The following IL1RL1 variants were observed in gnomAD, a reference collection of about 807,000 sequenced individuals.
IL1RL1 encodes interleukin 1 receptor like 1, also known as interleukin-1 receptor-like 1.
In IL1RL1, 32 loss-of-function variants were observed where a neutral mutation model predicts 50.9. The observed-to-expected ratio is 0.63, with a 90% CI of 0.47 to 0.84. The LOEUF is 0.84. Among genes scored for constraint, IL1RL1 ranks in the 40% least tolerant of loss-of-function variants. The probability of loss-of-function intolerance (pLI) is 0.00; values close to 1 mark genes in which losing one functional copy is unlikely to be tolerated. For missense variants in IL1RL1, 773 were observed against 662.9 expected, an observed-to-expected ratio of 1.17 and a Z score of -1.82; for synonymous variants, 275 against 236.0, an observed-to-expected ratio of 1.17 and a Z score of -1.51.
At chr2:102,333,820 G>A (rs1174280577) in intron 1 of IL1RL1, among the ~76,000 whole-genome samples, 5 of 152,080 alleles carry the variant, frequency 3.3e-5, no homozygotes, top group African/African-American at 1.2e-4. Flanking sequence ...TCCCACATAT[G>A]AGTAAGAACA....
At chr2:102,340,520 T>C (rs1677512863) in intron 4 of IL1RL1, 146 bp from the exon 5 acceptor site, 1 of 818,460 alleles carries the variant, frequency 1.2e-6, no homozygotes, top group East Asian at 2.8e-5. Flanking sequence ...GGCTGAGGTA[T>C]GAAAATCACT....
At chr2:102,320,647 A>G (rs1676808246) in intron 1 of IL1RL1, among the ~76,000 whole-genome samples, 1 of 152,090 alleles carries the variant, frequency 6.6e-6, no homozygotes, top group Non-Finnish European at 1.5e-5. Context: ...CTAATTCAGT[A>G]ACTAGCAACC....
chr2:102,343,291 T>C lies in IL1RL1; in HGVS notation c.846T>C (p.Cys282=). The C allele has an allele frequency of 1.2e-6, 2 of 1,614,200 alleles. No homozygotes were observed. The highest frequency in any genetic ancestry group is 1.7e-6 in the Non-Finnish European group (2 of 1,180,034). ...TTAGTTTCAGCAATGGGCTGGCTTG[T>C]CTAGACATGGTTTTAAGAATAGCTG... ...QNQSFSNGLA[C]LDMVLRIADV... The change falls in exon 8 of 11, where the codon TGT becomes TGC. Residue 282 remains cysteine, a synonymous_variant. Coordinates refer to ENST00000233954, the MANE Select transcript of IL1RL1 (RefSeq NM_016232.5).
At chr2:102,323,262 TATATATATATA>T (rs1676888707) in intron 1 of IL1RL1, among the ~76,000 whole-genome samples, 1 of 89,734 alleles carries the variant, frequency 1.1e-5, no homozygotes. Context: ...TATATATATA[TATATATATATA>T]GTGTGTGTGT....
rs367840654 is a variant in IL1RL1 at position 102,351,930 on chromosome 2, G to T, written c.*9G>T. The T allele has an allele frequency of 3.1e-6, 5 of 1,597,302 alleles. No individual in the cohort carries two copies. The highest frequency in any genetic ancestry group is 3.4e-6 in the Non-Finnish European group (4 of 1,172,514). On this transcript the variant is annotated 3_prime_UTR_variant, in exon 11 of 11. Transcript: ENST00000233954. ...CTGCCCAGAAGCAATAGTGCCTGCT[G>T]TGATGTGCAAAGGCATCTGAGTTTG...
At chr2:102,321,280 G>A (rs1008086430) in intron 1 of IL1RL1, among the ~76,000 whole-genome samples, 1 of 152,096 alleles carries the variant, frequency 6.6e-6, no homozygotes, top group Admixed American at 6.5e-5. Flanking sequence ...TTGTCCTCCT[G>A]TAGGACATGA....
chr2:102,351,743 A>G lies in IL1RL1; in HGVS notation c.1493A>G (p.Asp498Gly). The G allele has an allele frequency of 6.2e-7, 1 of 1,613,784 alleles. No homozygotes were observed. The highest frequency in any genetic ancestry group is 8.5e-7 in the Non-Finnish European group (1 of 1,179,938). Residue 498 changes from aspartate (D) to glycine (G), a missense_variant, in exon 11 of 11, where the codon GAC (aspartate) becomes GGC (glycine). Physicochemically the swap from Asp to Gly is moderately conservative, Grantham distance 94. Coordinates refer to ENST00000233954, the MANE Select transcript of IL1RL1 (RefSeq NM_016232.5). Reference protein sequence around the residue: ...LDMLQAEALQDSLQHLMKVQG... With the variant: ...LDMLQAEALQGSLQHLMKVQG... ...ATGCTGCAGGCTGAGGCGCTTCAGG[A>G]CTCCCTCCAGCATCTTATGAAAGTA...
chr2:102,311,775 A>ATATAT (rs1676479771), intron 1 of IL1RL1, among the ~76,000 whole-genome samples, 152 bp downstream of exon 1: 1 of 117,782 alleles, frequency 8.5e-6, no homozygotes, highest in African/African-American at 3.2e-5. Context: ...TATAATATAT[A>ATATAT]ATTGTTATAA....
intron 1 of IL1RL1, among the ~76,000 whole-genome samples, 171 bp from the exon 2 acceptor site, chr2:102,337,944 CA>C (rs2104982599): frequency 6.6e-6 from 1 of 152,182 alleles, no homozygotes; most frequent in Admixed American, 6.5e-5. Context: ...CTATATGACC[CA>C]AAACTTCCAT....
chr2:102,351,233 C>G (rs1677920285), intron 10 of IL1RL1, among the ~76,000 whole-genome samples: 1 of 152,166 alleles, frequency 6.6e-6, no homozygotes, highest in African/African-American at 2.4e-5. Context: ...TTCTAAGTCT[C>G]TAATGCAACA....
chr2:102,317,707 C>G (rs139510626), intron 1 of IL1RL1, among the ~76,000 whole-genome samples: 1 of 152,076 alleles, frequency 6.6e-6, no homozygotes, highest in East Asian at 1.9e-4. Context: ...GAAAGTTGAT[C>G]CTCATATAAA....
In IL1RL1 at chr2:102,351,927, G is replaced by T; in HGVS notation, c.*6G>T. ...TGGCTGCCCAGAAGCAATAGTGCCT[G>T]CTGTGATGTGCAAAGGCATCTGAGT... On this transcript the variant is annotated 3_prime_UTR_variant, in exon 11 of 11. Transcript: ENST00000233954. 3 of 1,597,788 alleles carry T rather than the reference G, an allele frequency of 1.9e-6. No homozygotes were observed. The highest frequency in any genetic ancestry group is 2.6e-6 in the Non-Finnish European group (3 of 1,172,706).
At position 102,319,997 on chromosome 2, in the gene IL1RL1, T is replaced by C. The variant is rs550007021; in HGVS notation, c.-150+8374T>C. ...AACCATCACTCCCAGCCCTTTCTTT[T>C]GCTTTGTTATTTTAAAAACTTTTCT... is the stretch of plus-strand genomic sequence containing the variant. On this transcript the variant is annotated intron_variant, in intron 1 of 10. Coordinates refer to ENST00000233954, the MANE Select transcript of IL1RL1 (RefSeq NM_016232.5). 4.5e-4 allele frequency among the ~76,000 whole-genome samples: 69 copies of C among 152,358 alleles called. 1 individual carries two copies. Among genetic ancestry groups the C allele is most frequent in the African/African-American group, 1.7e-3 (69 of 41,592 alleles).
chr2:102,343,737 G>A (rs1345048183), intron 8 of IL1RL1: 4 of 1,248,178 alleles, frequency 3.2e-6, no homozygotes, highest in East Asian at 3.6e-5. Flanking sequence ...GAAAGGAAAT[G>A]CACCAACAAC....
At chr2:102,347,023 G>T (rs182859220) in intron 8 of IL1RL1, among the ~76,000 whole-genome samples, 36 of 152,350 alleles carry the variant, frequency 2.4e-4, no homozygotes, top group Non-Finnish European at 3.5e-4. Context: ...CATGAGAGAA[G>T]TATGGGCTAT....
At chr2:102,348,781 A>C (rs1677849902) in intron 9 of IL1RL1, among the ~76,000 whole-genome samples, 1 of 152,216 alleles carries the variant, frequency 6.6e-6, no homozygotes, top group Non-Finnish European at 1.5e-5. Flanking sequence ...TCAGCACAGA[A>C]GGCCCCCTTA....
intron 1 of IL1RL1, among the ~76,000 whole-genome samples, chr2:102,337,907 T>G (rs1322859102): frequency 2.6e-5 from 4 of 152,216 alleles, no homozygotes; most frequent in African/African-American, 9.6e-5. Context: ...GCATGATAAC[T>G]GTGAAATAGC....
At position 102,325,749 on chromosome 2, in the gene IL1RL1, T is replaced by C. The variant is rs567134296; in HGVS notation, c.-149-12367T>C. ...ATTTGATCAACTGGAAGAAAGGGTATCAGTGACGGAAGATCAAATGAATGA... is the reference window on the plus strand; with the variant it reads ...ATTTGATCAACTGGAAGAAAGGGTACCAGTGACGGAAGATCAAATGAATGA... On this transcript the variant is annotated intron_variant, in intron 1 of 10. Transcript: ENST00000233954. Among the ~76,000 whole-genome samples, 321 of 152,268 alleles carry C rather than the reference T, an allele frequency of 2.1e-3. 2 individuals are homozygous for C. Among genetic ancestry groups the C allele is most frequent in the Non-Finnish European group, 3.9e-3 (263 of 68,034 alleles).
At chr2:102,349,019 G>C (rs1677859914) in intron 9 of IL1RL1, 60 bp from the exon 10 acceptor site, 2 of 1,303,798 alleles carry the variant, frequency 1.5e-6, no homozygotes, top group African/African-American at 2.9e-5. Flanking sequence ...TGTCTTCAAA[G>C]AGTCCAGTGA....
Sources: allele counts gnomAD v4.1 joint callset (sites outside exome capture counted in the v4.1 genomes callset), GRCh38; gene constraint gnomAD v4.1.1; transcripts MANE v1.5; gene names NCBI Gene and HGNC (gene_info 2026-07-23, HGNC 2026-07-21).